LHFPL3: variants seen among roughly 807,000 people sequenced by gnomAD.
The protein encoded by LHFPL3 is LHFPL tetraspan subfamily member 3, also known as LHFPL tetraspan subfamily member 3 protein.
A neutral mutation model predicts 19.3 loss-of-function variants in LHFPL3; 5 were observed. The observed-to-expected ratio is 0.26, with a 90% confidence interval of 0.14 to 0.54. LHFPL3 has a LOEUF of 0.54. Among genes scored for constraint, LHFPL3 ranks in the 20% least tolerant of loss-of-function variants. The pLI, the probability that LHFPL3 is intolerant of heterozygous loss-of-function variation, is 0.94. For missense variants in LHFPL3, 249 were observed against 307.4 expected (o/e 0.81, Z 1.42); for synonymous variants, 133 against 126.2 (o/e 1.05, Z -0.36).
intron 2 of LHFPL3, chr7:104,826,377 G>A (rs1354180157): frequency 1.3e-5 from 2 of 159,420 alleles, no homozygotes; most frequent in African/African-American, 4.9e-5. Flanking sequence ...AAGAAGAGAA[G>A]CAGCCCTGCA....
rs545449094 is a variant in LHFPL3 at position 104,659,940 on chromosome 7, C to T, written c.446-76735C>T. ...GAGAAAGGCCTCATGTCACTTTCCT[C>T]CTGATCATTTTATGATCTTTCAAAT... On this transcript the variant is annotated intron_variant, in intron 1 of 2. Transcript: ENST00000424859. Among the ~76,000 whole-genome samples the T allele has an allele frequency of 6.6e-5, 10 of 152,118 alleles. 1 individual carries two copies. Among genetic ancestry groups the T allele is most frequent in the African/African-American group, 2.4e-4 (10 of 41,514 alleles).
rs558965623 is a variant in LHFPL3, at chr7:104,460,599, G to A, written c.445+131375G>A. Among the ~76,000 whole-genome samples, 9 of 152,266 alleles carry A rather than the reference G, an allele frequency of 5.9e-5. No homozygotes were observed. The South Asian group carries it at 1.2e-3, about 21-fold the overall frequency. On this transcript the variant is annotated intron_variant, in intron 1 of 2. Transcript: ENST00000424859. Reference sequence around the variant, plus strand: ...TTGATTTGCATTTCTCTAATAATCAGTGATATTGAGGTTTTTTTAATATGA... The same window carrying A: ...TTGATTTGCATTTCTCTAATAATCAATGATATTGAGGTTTTTTTAATATGA...
chr7:104,696,937 T>G (rs1014521826), intron 1 of LHFPL3, among the ~76,000 whole-genome samples: 3 of 152,220 alleles, frequency 2.0e-5, no homozygotes, highest in Non-Finnish European at 4.4e-5. Flanking sequence ...TGAAATTTAT[T>G]TCTCACAATT....
intron 1 of LHFPL3, among the ~76,000 whole-genome samples, chr7:104,713,268 C>T (rs536160084): frequency 6.6e-6 from 1 of 152,198 alleles, no homozygotes; most frequent in African/African-American, 2.4e-5. Flanking sequence ...GAATGTATAC[C>T]ACTCTAGCAC....
rs544421955 is a variant in LHFPL3, at chr7:104,530,595, A to G, written c.445+201371A>G. ...AATTTGATTTGTGAAGCTCATAACT[A>G]TTCATTCATTTCTTAACCATAGTTC... On this transcript the variant is annotated intron_variant, in intron 1 of 2. Transcript: ENST00000424859. Among the ~76,000 whole-genome samples, 6 of 152,324 alleles carry G rather than the reference A, an allele frequency of 3.9e-5. No homozygotes were observed. The East Asian group carries it at 9.6e-4, about 24-fold the overall frequency.
intron 2 of LHFPL3, among the ~76,000 whole-genome samples, chr7:104,760,696 A>G (rs1367558584): frequency 6.6e-6 from 1 of 152,164 alleles, no homozygotes; most frequent in Non-Finnish European, 1.5e-5. Flanking sequence ...AACTGATTGT[A>G]TTTTAACCAC....
At chr7:104,440,304 A>G (rs1367598572) in intron 1 of LHFPL3, among the ~76,000 whole-genome samples, 1 of 152,078 alleles carries the variant, frequency 6.6e-6, no homozygotes, top group East Asian at 1.9e-4. Context: ...TCAGCAAACT[A>G]TCGCCAAGAA....
rs187854677 is a variant in LHFPL3, at chr7:104,820,203, A to G, written c.682+83292A>G. Among the ~76,000 whole-genome samples the G allele has an allele frequency of 3.3e-3, 500 of 152,328 alleles. 3 individuals are homozygous for G. Among genetic ancestry groups the G allele is most frequent in the Middle Eastern group, 0.027 (8 of 294 alleles). On this transcript the variant is annotated intron_variant, in intron 2 of 2. Transcript: ENST00000424859. ...AAAGTGGGAAATGCCAAGCCCATTT[A>G]TCATTCTCAGTGACAAAATTGTACA...
intron 2 of LHFPL3, among the ~76,000 whole-genome samples, chr7:104,747,989 T>C (rs1275487001): frequency 1.3e-5 from 2 of 152,142 alleles, no homozygotes; most frequent in African/African-American, 4.8e-5. Flanking sequence ...CATAGGAGAC[T>C]CCATTTTGTT....
intron 2 of LHFPL3, among the ~76,000 whole-genome samples, chr7:104,775,897 C>A (rs568024185): frequency 6.7e-6 from 1 of 149,512 alleles, no homozygotes; most frequent in African/African-American, 2.5e-5. Flanking sequence ...AATGCATGCT[C>A]ACATTTTTCT....
intron 2 of LHFPL3, among the ~76,000 whole-genome samples, chr7:104,858,657 C>T (rs2116630224): frequency 6.6e-6 from 1 of 152,286 alleles, no homozygotes. Context: ...CAAATTCCTT[C>T]TCTCACCTCA....
At chr7:104,421,036 A>C (rs1474894829) in intron 1 of LHFPL3, among the ~76,000 whole-genome samples, 1 of 152,212 alleles carries the variant, frequency 6.6e-6, no homozygotes, top group East Asian at 1.9e-4. Flanking sequence ...CAGATAGAGA[A>C]GGTTGTGGTC....
intron 1 of LHFPL3, among the ~76,000 whole-genome samples, chr7:104,603,166 T>TTC (rs1562947582): frequency 0.022 from 361 of 16,452 alleles, 9 homozygotes; most frequent in South Asian, 0.056. Flanking sequence ...TTCCTTCCTT[T>TTC]CTTTCTTTCT....
intron 2 of LHFPL3, among the ~76,000 whole-genome samples, chr7:104,870,567 G>A (rs1057230954): frequency 2.6e-5 from 4 of 152,210 alleles, no homozygotes; most frequent in African/African-American, 9.7e-5. Context: ...GTCCAAGAAA[G>A]TTTCACGAAG....
At chr7:104,605,696 T>A (rs1165507339) in intron 1 of LHFPL3, among the ~76,000 whole-genome samples, 1 of 152,182 alleles carries the variant, frequency 6.6e-6, no homozygotes, top group Non-Finnish European at 1.5e-5. Context: ...TTTATAACCC[T>A]CAAATCATAT....
chr7:104,874,830 G>T (rs990783969), intron 2 of LHFPL3, among the ~76,000 whole-genome samples: 21 of 151,720 alleles, frequency 1.4e-4, no homozygotes, highest in African/African-American at 5.1e-4. Flanking sequence ...TTAAAACTCA[G>T]CAGTTTGATG....
At chr7:104,405,969 C>T (rs1791404667) in intron 1 of LHFPL3, among the ~76,000 whole-genome samples, 1 of 152,198 alleles carries the variant, frequency 6.6e-6, no homozygotes, top group South Asian at 2.1e-4. Flanking sequence ...CTGAATTAAA[C>T]AGGTAAATAA....
At chr7:104,400,989 A>G (rs576335459) in intron 1 of LHFPL3, among the ~76,000 whole-genome samples, 4 of 152,218 alleles carry the variant, frequency 2.6e-5, no homozygotes, top group Non-Finnish European at 5.9e-5. Context: ...TCTATAATGG[A>G]GTCCTATAGA....
intron 2 of LHFPL3, among the ~76,000 whole-genome samples, chr7:104,810,934 G>A (rs1400300629): frequency 6.6e-6 from 1 of 152,084 alleles, no homozygotes; most frequent in Admixed American, 6.5e-5. Context: ...TGTTGTCACT[G>A]TAGATGCCAA....
Sources: gnomAD v4.1 joint callset for allele counts (sites outside exome capture counted in the v4.1 genomes callset) on GRCh38, gnomAD v4.1.1 for gene constraint, MANE v1.5 for transcripts, NCBI Gene and HGNC (gene_info 2026-07-23, HGNC 2026-07-21) for gene names.